Variants in NOTCH2NLB observed in about 807,000 individuals in gnomAD.
NOTCH2NLB encodes notch homolog 2 N-terminal-like protein B.
Under a neutral mutation model 14.8 loss-of-function variants are expected in NOTCH2NLB, and 1 was observed. The ratio of observed to expected loss-of-function variants is 0.07; its 90% confidence interval spans 0.02 to 0.32. The LOEUF (loss-of-function observed/expected upper bound fraction) is 0.32. Ranked by LOEUF, NOTCH2NLB falls within the 10% of genes least tolerant of loss-of-function variation. The pLI, the probability that NOTCH2NLB is intolerant of heterozygous loss-of-function variation, is 1.00. For synonymous variants in NOTCH2NLB, 6 were observed against 57.5 expected, an observed-to-expected ratio of 0.10 and a Z score of 4.05; for missense variants, 11 against 155.0, an observed-to-expected ratio of 0.07 and a Z score of 4.93.
At position 148,651,155 on chromosome 1, in the gene NOTCH2NLB, AAAAAAAAAT is replaced by A. The variant is rs1439229504; in HGVS notation, c.4-11075_4-11067del. Reference sequence around the variant, plus strand: ...AAGACTCTGCCTGAGAAAAAAAAAAAAAAAAAAATATATATATATATATATATATATATA... The same window carrying A: ...AAGACTCTGCCTGAGAAAAAAAAAAAATATATATATATATATATATATATA... On this transcript the variant is annotated intron_variant, in intron 1 of 4. Coordinates refer to ENST00000593495, the Ensembl canonical transcript of NOTCH2NLB. Among the ~76,000 whole-genome samples, 65 of 87,216 alleles carry A rather than the reference AAAAAAAAAT, an allele frequency of 7.5e-4. No individual in the cohort carries two copies. The South Asian group carries it at 0.013, about 18-fold the overall frequency. The allele number at this position is 87,216 out of a possible 152,430, so 57.2% of individuals were successfully genotyped here.
intron 2 of NOTCH2NLB, among the ~76,000 whole-genome samples, chr1:148,632,877 A>G (rs1664136403): frequency 8.7e-6 from 1 of 114,346 alleles, no homozygotes; most frequent in South Asian, 3.1e-4. Context: ...AATATCCTCT[A>G]TCCCCACCTT....
At chr1:148,605,441 C>A (rs1663483010), downstream of NOTCH2NLB, among the ~76,000 whole-genome samples, 4 of 144,690 alleles carry the variant, frequency 2.8e-5, no homozygotes, top group East Asian at 5.9e-4. Context: ...CCCTCCCACA[C>A]ACACACACAC....
chr1:148,623,730 A>T (rs1663935521), intron 2 of NOTCH2NLB, among the ~76,000 whole-genome samples: 2 of 36,156 alleles, frequency 5.5e-5, no homozygotes, highest in Admixed American at 5.0e-4. Flanking sequence ...CCTTTCTCAA[A>T]CTCCCATCTA....
At chr1:148,605,436 CCACA>C (rs1258084517), downstream of NOTCH2NLB, among the ~76,000 whole-genome samples, 5 of 141,666 alleles carry the variant, frequency 3.5e-5, no homozygotes, top group African/African-American at 8.2e-5. Context: ...ATCTCCCCTC[CCACA>C]CACACACACA....
downstream of NOTCH2NLB, among the ~76,000 whole-genome samples, chr1:148,605,353 C>T (rs1428375483): frequency 8.4e-5 from 12 of 142,772 alleles, 1 homozygote; most frequent in Admixed American, 2.1e-4. Flanking sequence ...AAGTACCTGG[C>T]ACAGTTCCTG....
At chr1:148,638,415 G>T (rs1431401606) in intron 2 of NOTCH2NLB, among the ~76,000 whole-genome samples, 1 of 148,832 alleles carries the variant, frequency 6.7e-6, no homozygotes, top group Non-Finnish European at 1.5e-5. Flanking sequence ...CACAAGAGTT[G>T]CATAACAGAA....
In NOTCH2NLB at chr1:148,607,871, G is replaced by C. The variant is rs1663554707; in HGVS notation, c.338-126C>G. ...CCTCAACTCTTTGCATTTTACAAAA[G>C]GCTAAATCAGAGCCTCCTCAAGGTC... On this transcript the variant is annotated intron_variant, in intron 3 of 4. Transcript: ENST00000593495. The C allele has an allele frequency of 6.4e-6, 4 of 624,840 alleles. No individual in the cohort carries two copies. In the East Asian group the frequency reaches 1.1e-4, roughly 17 times the overall value. 38.7% of individuals were successfully genotyped at this position (624,840 alleles called of 1,614,324 possible). A position where few individuals can be genotyped will look rare whatever the true frequency, so the allele number is the denominator to read the frequency against.
rs1434284250 is a variant in NOTCH2NLB at position 148,610,298 on chromosome 1, A to T, written c.338-2553T>A. ...GAAAGAAAGACAGAAAGAGAGAGGG[A>T]AAGAGAGAGAAAGAGAGAAAGAGAG... On this transcript the variant is annotated intron_variant, in intron 3 of 4. Transcript: ENST00000593495. Among the ~76,000 whole-genome samples, 7 of 104,432 alleles carry T rather than the reference A, an allele frequency of 6.7e-5. 1 individual carries two copies. Among genetic ancestry groups the T allele is most frequent in the African/African-American group, 3.0e-4 (7 of 23,518 alleles). The allele number at this position is 104,432 out of a possible 152,430, so 68.5% of individuals were successfully genotyped here. A position where few individuals can be genotyped will look rare whatever the true frequency, so the allele number is the denominator to read the frequency against.
chr1:148,677,291 G>A (rs1348535007), intron 1 of NOTCH2NLB, among the ~76,000 whole-genome samples: 70 of 846 alleles, frequency 0.083, no homozygotes, highest in East Asian at 0.17. Context: ...TAATAAATTA[G>A]GAGGATTCAA....
At chr1:148,604,950 TAC>T (rs1186780760), downstream of NOTCH2NLB, among the ~76,000 whole-genome samples, 28,814 of 126,322 alleles carry the variant, frequency 0.23, 2,776 homozygotes, top group African/African-American at 0.26. Context: ...CAACGCCATA[TAC>T]ACACACACAC....
chr1:148,679,627 C>A lies in NOTCH2NLB; in HGVS notation c.-163G>T. ...GAGCCCCACTCTCTCCTCCCCTCCT[C>A]CTGCTTCAAAGGCTCAGGCCCTGGC... On this transcript the variant is annotated 5_prime_UTR_variant, in exon 1 of 5. Coordinates refer to ENST00000593495, the Ensembl canonical transcript of NOTCH2NLB. 3.0e-5 allele frequency: 31 copies of A among 1,049,698 alleles called. 3 individuals are homozygous for A. The South Asian group carries it at 7.3e-4, about 25-fold the overall frequency. 65.0% of individuals were successfully genotyped at this position (1,049,698 alleles called of 1,614,324 possible).
At position 148,609,090 on chromosome 1, in the gene NOTCH2NLB, AATTATT is replaced by A. The variant is rs1185385681; in HGVS notation, c.338-1351_338-1346del. Among the ~76,000 whole-genome samples the A allele has an allele frequency of 1.3e-4, 18 of 135,688 alleles. 2 individuals are homozygous for A. Among genetic ancestry groups the A allele is most frequent in the South Asian group, 4.8e-4 (2 of 4,172 alleles). 89.0% of individuals were successfully genotyped at this position (135,688 alleles called of 152,430 possible). On this transcript the variant is annotated intron_variant, in intron 3 of 4. Coordinates refer to ENST00000593495, the Ensembl canonical transcript of NOTCH2NLB. ...AAACTACAGAGATAAGAACTCCTTG[AATTATT>A]ATTATTATTATTATTATACTTTAAG... is the stretch of plus-strand genomic sequence containing the variant.
At chr1:148,681,047 CA>C (rs1476906392), upstream of NOTCH2NLB, among the ~76,000 whole-genome samples, 19 of 148,374 alleles carry the variant, frequency 1.3e-4, no homozygotes, top group Admixed American at 9.3e-4. Flanking sequence ...CCAAATTATG[CA>C]GCCTTGAATG....
the NOTCH2NLB span, among the ~76,000 whole-genome samples, chr1:148,712,471 G>A: frequency 2.2e-4 from 33 of 152,408 alleles, no homozygotes; most frequent in South Asian, 1.0e-3. Context: ...GTGATGAAAC[G>A]TCCAGATCTA....
At chr1:148,661,759 T>A (rs1229554825) in intron 1 of NOTCH2NLB, among the ~76,000 whole-genome samples, 2 of 142,444 alleles carry the variant, frequency 1.4e-5, no homozygotes, top group Admixed American at 7.0e-5. Context: ...AATGTCCAGT[T>A]GGATTGCTGT....
intron 1 of NOTCH2NLB, among the ~76,000 whole-genome samples, chr1:148,651,192 T>C (rs2149625915): frequency 8.1e-6 from 1 of 124,218 alleles, no homozygotes; most frequent in South Asian, 2.7e-4. Context: ...TATATATATA[T>C]ATTCCTGAAC....
intron 2 of NOTCH2NLB, among the ~76,000 whole-genome samples, chr1:148,623,979 A>G (rs1663940336): frequency 1.1e-5 from 1 of 90,818 alleles, no homozygotes; most frequent in South Asian, 4.3e-4. Context: ...TATCCTTCAT[A>G]CCCCAGGAAG....
intron 1 of NOTCH2NLB, among the ~76,000 whole-genome samples, chr1:148,660,468 G>C (rs1161477802): frequency 1.4e-5 from 2 of 146,550 alleles, no homozygotes; most frequent in African/African-American, 5.0e-5. Context: ...TAATGATCCA[G>C]TTATATACCA....
chr1:148,605,078 T>C (rs1233629339), downstream of NOTCH2NLB, among the ~76,000 whole-genome samples: 715 of 136,452 alleles, frequency 5.2e-3, 28 homozygotes, highest in Non-Finnish European at 8.1e-3. Context: ...CCCAAACAGC[T>C]TAAAGCATTT....
Sources: gnomAD v4.1 joint callset for allele counts (sites outside exome capture counted in the v4.1 genomes callset) on GRCh38, gnomAD v4.1.1 for gene constraint, MANE v1.5 for transcripts, NCBI Gene and HGNC (gene_info 2026-07-23, HGNC 2026-07-21) for gene names.